Variants in MASP1 observed in about 807,000 individuals in gnomAD.
MASP1 encodes MBL associated serine protease 1.
In MASP1, 59 loss-of-function variants were observed where a neutral mutation model predicts 77.1. The observed-to-expected ratio is 0.77, with a 90% confidence interval of 0.62 to 0.95. The LOEUF is 0.95. MASP1 is among the 40% of genes least tolerant of loss of function. The pLI is 0.00. For missense variants in MASP1, 885 were observed against 912.9 expected, an observed-to-expected ratio of 0.97 and a Z score of 0.39; for synonymous variants, 362 against 354.5, an observed-to-expected ratio of 1.02 and a Z score of -0.24.
chr3:187,250,546 C>T (rs1480779083), intron 7 of MASP1, among the ~76,000 whole-genome samples: 1 of 152,104 alleles, frequency 6.6e-6, no homozygotes, highest in Non-Finnish European at 1.5e-5. Context: ...GGGCTGTGTG[C>T]AAGAAGGGGT....
At position 187,235,810 on chromosome 3, in the gene MASP1, C is replaced by G. The variant is rs142830133; in HGVS notation, c.2061G>C (p.Gly687=). The part of the protein sequence containing the change: ...RWVVQGLVSW[G]GPEECGSKQV... ...GCTTGCTGCCGCATTCTTCAGGTCC[C>G]CCCCAGGACACCAGGCCTTGCACCA... The change falls in exon 11 of 11, where the codon GGG becomes GGC. Residue 687 remains glycine, a synonymous_variant. Transcript: ENST00000296280. 2.4e-5 allele frequency: 38 copies of G among 1,614,210 alleles called. No individual in the cohort carries two copies. In the African/African-American group the frequency reaches 3.9e-4, roughly 16 times the overall value.
At chr3:187,278,396 T>A (rs1717134606) in intron 2 of MASP1, among the ~76,000 whole-genome samples, 1 of 152,200 alleles carries the variant, frequency 6.6e-6, no homozygotes, top group South Asian at 2.1e-4. Context: ...ACAAAACCAT[T>A]GCTGAGGGAG....
intron 2 of MASP1, among the ~76,000 whole-genome samples, chr3:187,282,596 G>C (rs898235717): frequency 6.7e-6 from 1 of 149,540 alleles, no homozygotes; most frequent in Admixed American, 6.7e-5. Flanking sequence ...GGCCCCTGCA[G>C]CCTGACATTC....
intron 2 of MASP1, among the ~76,000 whole-genome samples, chr3:187,273,021 T>A: frequency 6.6e-6 from 1 of 152,150 alleles, no homozygotes; most frequent in East Asian, 1.9e-4. Context: ...CGTTGAGCAC[T>A]CAGTACATCA....
At chr3:187,274,033 C>T (rs931256229) in intron 2 of MASP1, among the ~76,000 whole-genome samples, 1 of 152,060 alleles carries the variant, frequency 6.6e-6, no homozygotes, top group Non-Finnish European at 1.5e-5. Flanking sequence ...CATTGTGAAA[C>T]CTTGTCTCCA....
At chr3:187,241,798 A>G (rs1026957696) in intron 9 of MASP1, 3 of 445,872 alleles carry the variant, frequency 6.7e-6, no homozygotes, top group Non-Finnish European at 1.3e-5. Flanking sequence ...AATATCTTCA[A>G]ATACCCACAG....
At chr3:187,252,742 G>C (rs561723840) in intron 6 of MASP1, among the ~76,000 whole-genome samples, 1 of 152,230 alleles carries the variant, frequency 6.6e-6, no homozygotes, top group South Asian at 2.1e-4. Flanking sequence ...TGCTGATGGG[G>C]GGCCCACAAG....
At chr3:187,224,440 G>A (rs999321656) in intron 13 of MASP1, among the ~76,000 whole-genome samples, 1 of 146,404 alleles carries the variant, frequency 6.8e-6, no homozygotes, top group East Asian at 2.1e-4. Context: ...TCCGCCTCCC[G>A]GGTTCACGCC....
At chr3:187,253,118 G>A (rs755642112) in intron 6 of MASP1, 50 bp downstream of exon 6, 2 of 1,611,084 alleles carry the variant, frequency 1.2e-6, no homozygotes, top group Non-Finnish European at 1.7e-6. Flanking sequence ...CACTGCCTCT[G>A]CAAGGGCTAA....
At chr3:187,283,654 G>A (rs558249382) in intron 2 of MASP1, among the ~76,000 whole-genome samples, 3 of 152,242 alleles carry the variant, frequency 2.0e-5, no homozygotes, top group African/African-American at 7.2e-5. Context: ...AAAGCTATTG[G>A]CACTGACAAA....
At chr3:187,252,344 C>G (rs1273562870) in intron 6 of MASP1, among the ~76,000 whole-genome samples, 1 of 152,186 alleles carries the variant, frequency 6.6e-6, no homozygotes, top group Non-Finnish European at 1.5e-5. Flanking sequence ...CAAGGATGAC[C>G]CAAATTGCTC....
downstream of MASP1, among the ~76,000 whole-genome samples, chr3:187,233,106 C>A (rs545766884): frequency 6.6e-6 from 1 of 152,216 alleles, no homozygotes; most frequent in Non-Finnish European, 1.5e-5. Context: ...CATCCCTCAT[C>A]AGGACAGTTG....
At chr3:187,237,462 C>T (rs1282962279) in intron 10 of MASP1, among the ~76,000 whole-genome samples, 3 of 152,216 alleles carry the variant, frequency 2.0e-5, no homozygotes, top group Admixed American at 6.5e-5. Flanking sequence ...ATGGATTAAG[C>T]CCCAGGGCAT....
In MASP1 at chr3:187,225,636, A is replaced by G. The variant is rs79538618; in HGVS notation, c.1556-127T>C. On this transcript the variant is annotated intron_variant, in intron 12 of 15. Transcript: ENST00000337774. ...CAGCCTTAGCCCTTTCACTGCCTTC[A>G]TCCACCTTTCCCAGACATCCCACCC... The G allele has an allele frequency of 4.1e-4, 370 of 897,974 alleles. 2 individuals carry two copies. The East Asian group carries it at 9.0e-3, about 22-fold the overall frequency. 55.6% of individuals were successfully genotyped at this position (897,974 alleles called of 1,614,324 possible). A position where few individuals can be genotyped will look rare whatever the true frequency, so the allele number is the denominator to read the frequency against.
chr3:187,250,106 T>TC (rs764821367), intron 8 of MASP1, 145 bp downstream of exon 8: 48 of 757,992 alleles, frequency 6.3e-5, no homozygotes, highest in Non-Finnish European at 1.1e-4. Flanking sequence ...CTCTTTTTTT[T>TC]CCCAACCCTT....
intron 2 of MASP1, among the ~76,000 whole-genome samples, chr3:187,282,389 C>G (rs1436449260): frequency 6.6e-6 from 1 of 151,154 alleles, no homozygotes; most frequent in East Asian, 2.0e-4. Context: ...CCCAGCTGCT[C>G]AGGAGGCTGA....
chr3:187,219,937 C>G (rs1711934875), exon 16 of MASP1: 5 of 866,800 alleles, frequency 5.8e-6, no homozygotes, highest in Middle Eastern at 3.2e-4. Flanking sequence ...GATACCTGCT[C>G]TATTGCCCAG....
At chr3:187,270,764 A>T (rs1716455447) in intron 2 of MASP1, among the ~76,000 whole-genome samples, 1 of 152,228 alleles carries the variant, frequency 6.6e-6, no homozygotes, top group East Asian at 1.9e-4. Context: ...CTCAGCGGCC[A>T]CATAGGGCAG....
chr3:187,222,364 T>C (rs892848157), intron 14 of MASP1, among the ~76,000 whole-genome samples: 4 of 152,308 alleles, frequency 2.6e-5, no homozygotes. Flanking sequence ...GCTAGTACAG[T>C]GTCTGGTACC....
Sources: allele counts gnomAD v4.1 joint callset (sites outside exome capture counted in the v4.1 genomes callset), GRCh38; gene constraint gnomAD v4.1.1; transcripts MANE v1.5; gene names NCBI Gene and HGNC (gene_info 2026-07-23, HGNC 2026-07-21).